MDGA2: variants seen among roughly 807,000 people sequenced by gnomAD.
The protein encoded by MDGA2 is MAM domain containing glycosylphosphatidylinositol anchor 2, also known as MAM domain-containing glycosylphosphatidylinositol anchor protein 2.
MDGA2 carries 40 observed loss-of-function variants against 117.8 expected under a neutral mutation model. The ratio of observed to expected loss-of-function variants is 0.34; its 90% CI spans 0.26 to 0.44. The LOEUF is 0.44. Among genes scored for constraint, MDGA2 ranks in the 20% least tolerant of loss-of-function variants. The pLI is 1.00. For missense variants in MDGA2, 1,123 were observed against 1,250.6 expected, an observed-to-expected ratio of 0.90 and a Z score of 1.54; for synonymous variants, 452 against 439.0, an observed-to-expected ratio of 1.03 and a Z score of -0.37.
At chr14:46,848,547 T>G (rs1041163183) in intron 15 of MDGA2, among the ~76,000 whole-genome samples, 1 of 151,868 alleles carries the variant, frequency 6.6e-6, no homozygotes, top group East Asian at 1.9e-4. Flanking sequence ...TTTAAAGGAT[T>G]AAACAATCCT....
intron 1 of MDGA2, among the ~76,000 whole-genome samples, chr14:47,660,662 G>A (rs1897828927): frequency 6.6e-6 from 1 of 152,152 alleles, no homozygotes; most frequent in Non-Finnish European, 1.5e-5. Context: ...CAAAAATCAG[G>A]CCAAATATGA....
intron 2 of MDGA2, among the ~76,000 whole-genome samples, chr14:47,278,181 CA>C (rs1211489866): frequency 6.6e-6 from 1 of 151,700 alleles, no homozygotes; most frequent in Non-Finnish European, 1.5e-5. Context: ...AATGAACACA[CA>C]AAAAAATCAG....
At chr14:47,484,113 T>C (rs555720202) in intron 1 of MDGA2, among the ~76,000 whole-genome samples, 1 of 152,328 alleles carries the variant, frequency 6.6e-6, no homozygotes, top group South Asian at 2.1e-4. Context: ...GCTACATGCA[T>C]ATTTCTATTT....
At chr14:47,144,621 T>A (rs185393493) in intron 3 of MDGA2, among the ~76,000 whole-genome samples, 2 of 151,594 alleles carry the variant, frequency 1.3e-5, no homozygotes, top group Non-Finnish European at 2.9e-5. Context: ...AAAAAAAAAA[T>A]TAATATCAGG....
chr14:47,059,418 T>G (rs1310005739), intron 7 of MDGA2: 2 of 765,116 alleles, frequency 2.6e-6, no homozygotes, highest in African/African-American at 3.6e-5. Context: ...GTTAGGAAAA[T>G]TTAATGATTA....
chr14:47,298,677 A>AT (rs1475369629), intron 2 of MDGA2, among the ~76,000 whole-genome samples: 3 of 112,768 alleles, frequency 2.7e-5, no homozygotes, highest in Non-Finnish European at 5.7e-5. Context: ...GGCCCACTTA[A>AT]TTTTTCTTTT....
chr14:47,252,760 G>C (rs1420180743), intron 2 of MDGA2, among the ~76,000 whole-genome samples: 1 of 152,158 alleles, frequency 6.6e-6, no homozygotes, highest in Non-Finnish European at 1.5e-5. Context: ...GAAAAGGTGA[G>C]AGTGATTTCT....
chr14:46,889,130 GATA>G (rs1213228141), intron 10 of MDGA2, among the ~76,000 whole-genome samples: 5 of 152,076 alleles, frequency 3.3e-5, no homozygotes, highest in Admixed American at 1.3e-4. Context: ...AGGGAAAGGA[GATA>G]ATAACTAACA....
At chr14:47,280,482 T>C (rs1377171777) in intron 2 of MDGA2, among the ~76,000 whole-genome samples, 2 of 152,078 alleles carry the variant, frequency 1.3e-5, no homozygotes, top group African/African-American at 4.8e-5. Flanking sequence ...GGTTAAACTT[T>C]TTATAGGTGT....
intron 1 of MDGA2, chr14:47,342,988 G>T (rs1043969048): frequency 9.8e-7 from 1 of 1,024,060 alleles, no homozygotes; most frequent in Non-Finnish European, 1.3e-6. Context: ...GCTTTGCCTG[G>T]CAGAATGCTA....
chr14:47,396,249 C>T (rs139968058), intron 1 of MDGA2, among the ~76,000 whole-genome samples: 1 of 152,152 alleles, frequency 6.6e-6, no homozygotes, highest in African/African-American at 2.4e-5. Context: ...ATTTGTACTT[C>T]TAGACTCCTA....
At chr14:46,946,058 A>G (rs1242881139) in intron 9 of MDGA2, among the ~76,000 whole-genome samples, 1 of 152,162 alleles carries the variant, frequency 6.6e-6, no homozygotes, top group Non-Finnish European at 1.5e-5. Flanking sequence ...ATAATATGCT[A>G]TAACACAGAT....
intron 1 of MDGA2, among the ~76,000 whole-genome samples, chr14:47,514,398 A>C (rs979919359): frequency 2.0e-5 from 3 of 151,994 alleles, no homozygotes; most frequent in African/African-American, 7.2e-5. Flanking sequence ...ACTAAAATTA[A>C]CTCCTGGAAT....
At chr14:47,422,953 G>A (rs17118611) in intron 1 of MDGA2, among the ~76,000 whole-genome samples, 1,671 of 152,216 alleles carry the variant, frequency 0.011, 37 homozygotes, top group African/African-American at 0.037. Flanking sequence ...ATATTCAGAC[G>A]ACAGATTTTA....
chr14:47,126,657 T>G (rs912957931), intron 5 of MDGA2, among the ~76,000 whole-genome samples: 8 of 152,110 alleles, frequency 5.3e-5, no homozygotes, highest in African/African-American at 1.9e-4. Flanking sequence ...TTAATTTCTA[T>G]TCACAAAATG....
chr14:47,674,905 C>G lies in MDGA2; in HGVS notation c.-109G>C, dbSNP rs1286009665. 1.9e-6 allele frequency: 1 copy of G among 537,798 alleles called. No homozygotes were observed. The highest frequency in any genetic ancestry group is 3.4e-5 in the East Asian group (1 of 29,096). 33.3% of individuals were successfully genotyped at this position (537,798 alleles called of 1,614,324 possible). A position where few individuals can be genotyped will look rare whatever the true frequency, so the allele number is the denominator to read the frequency against. On this transcript the variant is annotated 5_prime_UTR_variant, in exon 1 of 17. Transcript: ENST00000399232. ...CGGGTGCCTGGGAAAATCGCAGACG[C>G]CGGGGAGGAGCAGGGGGCGGTGATG...
intron 10 of MDGA2, among the ~76,000 whole-genome samples, chr14:46,888,705 T>G (rs554008321): frequency 1.3e-5 from 2 of 151,666 alleles, no homozygotes; most frequent in East Asian, 3.9e-4. Context: ...AGTGGTAATG[T>G]TTTCCTCTTT....
rs141264447 is a variant in MDGA2, at chr14:47,269,193, C to T, written c.420+32218G>A. On this transcript the variant is annotated intron_variant, in intron 2 of 16. Transcript: ENST00000399232. ...ACTATACGTAGTAGGACTTCATGGGCCCTTCCCTAAGCATTTTTTTTTGGT... is the reference window on the plus strand; with the variant it reads ...ACTATACGTAGTAGGACTTCATGGGTCCTTCCCTAAGCATTTTTTTTTGGT... Among the ~76,000 whole-genome samples, 649 of 152,202 alleles carry T rather than the reference C, an allele frequency of 4.3e-3. 4 individuals carry two copies. The highest frequency in any genetic ancestry group is 0.015 in the African/African-American group (623 of 41,508).
intron 6 of MDGA2, among the ~76,000 whole-genome samples, chr14:47,071,561 CT>C (rs1339746074): frequency 1.4e-5 from 2 of 145,948 alleles, no homozygotes; most frequent in Non-Finnish European, 3.0e-5. Context: ...TTTTTTTTTT[CT>C]CTTTTTAATG....
Sources: allele counts gnomAD v4.1 joint callset (sites outside exome capture counted in the v4.1 genomes callset), GRCh38; gene constraint gnomAD v4.1.1; transcripts MANE v1.5; gene names NCBI Gene and HGNC (gene_info 2026-07-23, HGNC 2026-07-21).